The following ZNF665 variants were observed in gnomAD, a reference collection of about 807,000 sequenced individuals.
ZNF665 encodes the protein zinc finger protein 665.
Under a neutral mutation model 7.9 loss-of-function variants are expected in ZNF665, and 6 were observed. The observed-to-expected ratio is 0.76, with a 90% CI of 0.42 to 1.50. The LOEUF (loss-of-function observed/expected upper bound fraction) is 1.50, where lower values mean the gene tolerates loss of function less well. Ranked by LOEUF, ZNF665 falls within the 40% of genes most tolerant of loss-of-function variation. The pLI, the probability that ZNF665 is intolerant of heterozygous loss-of-function variation, is 0.01. For missense variants in ZNF665, 819 were observed against 806.7 expected (o/e 1.02, Z -0.18); for synonymous variants, 242 against 274.5 (o/e 0.88, Z 1.17).
chr19:53,177,544 A>G (rs939883168), intron 2 of ZNF665, among the ~76,000 whole-genome samples: 3 of 146,378 alleles, frequency 2.0e-5, no homozygotes, highest in Non-Finnish European at 4.5e-5. Flanking sequence ...GACAAACAAA[A>G]CAAAACAAAA....
chr19:53,175,835 T>A (rs2090694020), intron 2 of ZNF665, among the ~76,000 whole-genome samples: 2 of 152,078 alleles, frequency 1.3e-5, no homozygotes, highest in African/African-American at 2.4e-5. Context: ...AGCTTCAGGG[T>A]GTGGGCTGGA....
intron 1 of ZNF665, among the ~76,000 whole-genome samples, chr19:53,185,107 G>A (rs1001568749): frequency 2.6e-5 from 4 of 152,022 alleles, no homozygotes; most frequent in South Asian, 2.1e-4. Flanking sequence ...TTAGGCCTCC[G>A]GATAACTGCG....
rs976269756 is a variant in ZNF665 at position 53,164,942 on chromosome 19, A to T, written c.1548T>A (p.Cys516Ter). Residue 516 changes from cysteine to a stop codon, truncating the protein, a stop_gained, in exon 4 of 4, where the codon TGT becomes TGA. Transcript: ENST00000396424. LOFTEE classifies it low-confidence loss of function (END_TRUNC). ...RVHTGEKPYK[C>*]NECGKAFSVH... is the part of the protein sequence containing the mutation. ...CACTAAAGGCTTTGCCACACTCATT[A>T]CACTTGTAAGGTTTTTCTCCAGTAT... The T allele has an allele frequency of 1.2e-5, 19 of 1,614,070 alleles. No individual in the cohort carries two copies. Among genetic ancestry groups the T allele is most frequent in the African/African-American group, 1.3e-5 (1 of 74,920 alleles).
chr19:53,181,122 T>C (rs2146873753), intron 2 of ZNF665: 1 of 152,180 alleles, frequency 6.6e-6, no homozygotes, highest in East Asian at 1.9e-4. Context: ...TGATCTAAAT[T>C]AAAATGGAGA....
chr19:53,180,828 A>G (rs1327683911), intron 2 of ZNF665: 1 of 152,224 alleles, frequency 6.6e-6, no homozygotes. Context: ...TATTAAAAGT[A>G]CAGATACCAT....
intron 1 of ZNF665, among the ~76,000 whole-genome samples, chr19:53,185,338 C>T (rs959171686): frequency 5.9e-5 from 9 of 152,044 alleles, no homozygotes; most frequent in Non-Finnish European, 1.0e-4. Flanking sequence ...TGGCCCTGTC[C>T]GGGCATGACA....
Position 53,176,005 on chromosome 19 carries a change from A to G in ZNF665, c.16-434T>C, listed in dbSNP as rs973702717. 2.0e-5 allele frequency among the ~76,000 whole-genome samples: 3 copies of G among 152,214 alleles called. No individual in the cohort carries two copies. In the East Asian group the frequency reaches 5.8e-4, roughly 30 times the overall value. On this transcript the variant is annotated intron_variant, in intron 2 of 3. Coordinates refer to ENST00000396424, the MANE Select transcript of ZNF665 (RefSeq NM_024733.5). Reference sequence around the variant, plus strand: ...GTGAAACCCTGTCTCTACTAAAAATACAAAAATTAGCCGGGCATGGTGGTG... The same window carrying G: ...GTGAAACCCTGTCTCTACTAAAAATGCAAAAATTAGCCGGGCATGGTGGTG...
In ZNF665 at chr19:53,175,747, G is replaced by A. The variant is rs138547704; in HGVS notation, c.16-176C>T. 2.0e-3 allele frequency among the ~76,000 whole-genome samples: 309 copies of A among 152,292 alleles called. 1 individual carries two copies. Among genetic ancestry groups the A allele is most frequent in the Middle Eastern group, 6.8e-3 (2 of 294 alleles). Reference sequence around the variant, plus strand: ...TCTTCCTCCCCTTTTCCTGAAAAGGGCTCACTTGAAATCTGTGAGGTGATA... The same window carrying A: ...TCTTCCTCCCCTTTTCCTGAAAAGGACTCACTTGAAATCTGTGAGGTGATA... On this transcript the variant is annotated intron_variant, in intron 2 of 3. Transcript: ENST00000396424.
At chr19:53,171,486 A>T (rs2090656255) in intron 3 of ZNF665, among the ~76,000 whole-genome samples, 2 of 70,892 alleles carry the variant, frequency 2.8e-5, no homozygotes, top group Admixed American at 1.9e-4. Context: ...ATATCTTTAC[A>T]TTTGTGTGTG....
intron 1 of ZNF665, among the ~76,000 whole-genome samples, chr19:53,190,667 C>T (rs1401280771): frequency 1.3e-5 from 2 of 152,190 alleles, no homozygotes; most frequent in Non-Finnish European, 2.9e-5. Context: ...GGTGCGGTAG[C>T]TCATGCCTGT....
rs992864556 is a variant in ZNF665 at position 53,179,155 on chromosome 19, C to T, written c.16-3584G>A. 8.9e-4 allele frequency among the ~76,000 whole-genome samples: 135 copies of T among 151,958 alleles called. 4 individuals carry two copies. Among genetic ancestry groups the T allele is most frequent in the Middle Eastern group, 6.8e-3 (2 of 294 alleles). On this transcript the variant is annotated intron_variant, in intron 2 of 3. Transcript: ENST00000396424. ...TTGGGAGGCCGAGGCGGGTGGATCA[C>T]GAGGTCAGGAGATCGAGACCATCCT...
chr19:53,182,561 G>A (rs2090745858), intron 2 of ZNF665: 2 of 696,414 alleles, frequency 2.9e-6, no homozygotes, highest in East Asian at 2.7e-5. Context: ...TTTACACAGA[G>A]CTGTCAATAT....
intron 3 of ZNF665, 145 bp from the exon 4 acceptor site, chr19:53,166,492 C>A: frequency 1.4e-6 from 1 of 722,668 alleles, no homozygotes; most frequent in Non-Finnish European, 2.1e-6. Flanking sequence ...TTCCAGAACA[C>A]AAAAGGAACA....
rs1004701237 is a variant in ZNF665, at chr19:53,193,301, G to A, written c.-46+11C>T. ...GAAACGCAGGTTTAATCTAGATAGA[G>A]GGAAACTCACGCGGCGACTAACAGC... On this transcript the variant is annotated intron_variant, in intron 1 of 3. Transcript: ENST00000396424. The A allele has an allele frequency of 1.3e-5, 2 of 152,268 alleles. No homozygotes were observed. The highest frequency in any genetic ancestry group is 2.9e-5 in the Non-Finnish European group (2 of 68,116). 9.4% of individuals were successfully genotyped at this position (152,268 alleles called of 1,614,324 possible).
chr19:53,175,775 T>C (rs544041130), intron 2 of ZNF665, among the ~76,000 whole-genome samples: 4 of 152,292 alleles, frequency 2.6e-5, no homozygotes, highest in African/African-American at 9.6e-5. Flanking sequence ...AGGTGATAAG[T>C]ATCTTTTTGT....
At chr19:53,172,199 T>G (rs117414581) in intron 3 of ZNF665, among the ~76,000 whole-genome samples, 3,169 of 152,328 alleles carry the variant, frequency 0.021, 92 homozygotes, top group African/African-American at 0.06. Flanking sequence ...CTTTAAAAAT[T>G]TCCAATATAT....
intron 3 of ZNF665, 108 bp from the exon 4 acceptor site, chr19:53,166,455 G>T: frequency 9.9e-7 from 1 of 1,011,374 alleles, no homozygotes; most frequent in Non-Finnish European, 1.4e-6. Flanking sequence ...ATGTTGAACA[G>T]ACTTACGATT....
rs780156524 is a variant in ZNF665 at position 53,164,895 on chromosome 19, T to C, written c.1595A>G (p.His532Arg). The change falls in exon 4 of 4, where the codon CAT (histidine) becomes CGT (arginine). Residue 532 changes from histidine (H) to arginine (R), a missense_variant. By Grantham distance (29) the His-to-Arg change is conservative. Transcript: ENST00000396424. ...AFSVHSSLTI[H>R]QTIHTGQKPY... ...TTTTTGTCCAGTATGTATTGTCTGA[T>C]GTATAGTTAGGCTTGAATGAACACT... 1.2e-6 allele frequency: 2 copies of C among 1,614,104 alleles called. No individual in the cohort carries two copies. The highest frequency in any genetic ancestry group is 1.3e-5 in the African/African-American group (1 of 74,938).
rs79155266 is a variant in ZNF665, at chr19:53,190,703, G to A, written c.-46+2609C>T. 0.015 allele frequency among the ~76,000 whole-genome samples: 2,237 copies of A among 152,332 alleles called. 88 individuals are homozygous for A. In the East Asian group the frequency reaches 0.16, roughly 11 times the overall value. On this transcript the variant is annotated intron_variant, in intron 1 of 3. Transcript: ENST00000396424. ...AATCCCGGCACTTTGGGAGGCCAAGGTGGGTGGATTACCTGAGATCAGGAG... is the reference window on the plus strand; with the variant it reads ...AATCCCGGCACTTTGGGAGGCCAAGATGGGTGGATTACCTGAGATCAGGAG...
Sources: allele counts gnomAD v4.1 joint callset (sites outside exome capture counted in the v4.1 genomes callset), GRCh38; gene constraint gnomAD v4.1.1; transcripts MANE v1.5; gene names NCBI Gene and HGNC (gene_info 2026-07-23, HGNC 2026-07-21).